Variants in PAK1 observed in about 807,000 individuals in gnomAD.
PAK1 encodes the protein p21 (RAC1) activated kinase 1.
Under a neutral mutation model 67.4 loss-of-function variants are expected in PAK1, and 29 were observed. The observed-to-expected ratio is 0.43, with a 90% CI of 0.32 to 0.59. PAK1 has a LOEUF of 0.59. Among genes scored for constraint, PAK1 ranks in the 20% least tolerant of loss-of-function variants. The probability of loss-of-function intolerance (pLI) is 0.07; values close to 1 mark genes in which losing one functional copy is unlikely to be tolerated. For synonymous variants in PAK1, 223 were observed against 237.4 expected, an observed-to-expected ratio of 0.94 and a Z score of 0.56; for missense variants, 337 against 670.7, an observed-to-expected ratio of 0.50 and a Z score of 5.50.
chr11:77,511,809 G>A, the PAK1 span, among the ~76,000 whole-genome samples: 2 of 152,144 alleles, frequency 1.3e-5, no homozygotes, highest in Non-Finnish European at 2.9e-5. Context: ...TTGACTCTAT[G>A]TCCCAGCTCA....
At chr11:77,365,236 A>C (rs2136735565) in intron 5 of PAK1, among the ~76,000 whole-genome samples, 1 of 141,864 alleles carries the variant, frequency 7.0e-6, no homozygotes, top group South Asian at 2.3e-4. Context: ...TGGGTGACAG[A>C]GCAAGACTCT....
At chr11:77,330,244 A>C (rs989297219) in intron 14 of PAK1, among the ~76,000 whole-genome samples, 1 of 152,156 alleles carries the variant, frequency 6.6e-6, no homozygotes, top group African/African-American at 2.4e-5. Flanking sequence ...CATCCCCATC[A>C]AGCTACCAAT....
intron 5 of PAK1, among the ~76,000 whole-genome samples, chr11:77,362,523 G>A (rs189801200): frequency 1.3e-3 from 202 of 152,194 alleles, no homozygotes; most frequent in Non-Finnish European, 2.1e-3. Flanking sequence ...CAACATTTTG[G>A]AATCAACTAG....
chr11:77,411,260 T>C (rs916589075), intron 1 of PAK1, among the ~76,000 whole-genome samples: 4 of 152,024 alleles, frequency 2.6e-5, no homozygotes, highest in Non-Finnish European at 4.4e-5. Flanking sequence ...AAAAGATGGT[T>C]TGACAGTCTG....
the PAK1 span, among the ~76,000 whole-genome samples, chr11:77,503,699 T>C: frequency 6.6e-6 from 1 of 152,000 alleles, no homozygotes; most frequent in African/African-American, 2.4e-5. Context: ...TCCACCTCTA[T>C]AAAAAAAGTT....
intron 1 of PAK1, among the ~76,000 whole-genome samples, chr11:77,394,662 T>A (rs2137507152): frequency 6.6e-6 from 1 of 152,240 alleles, no homozygotes. Context: ...CTGGCCAATA[T>A]GGTGAAACCC....
chr11:77,323,199 C>T lies in PAK1; in HGVS notation c.*75G>A. 6.2e-7 allele frequency: 1 copy of T among 1,601,378 alleles called. No individual in the cohort carries two copies. The stretch of plus-strand genomic sequence containing the variant: ...AAGCAAGGCAAGGAGAAGAGGGCAT[C>T]AGGAGTTGGAATTTCTGAAATGTGC... On this transcript the variant is annotated 3_prime_UTR_variant, in exon 15 of 15. Coordinates refer to ENST00000356341, the MANE Select transcript of PAK1 (RefSeq NM_002576.5).
At chr11:77,359,429 T>C (rs1946477766) in intron 5 of PAK1, among the ~76,000 whole-genome samples, 1 of 152,152 alleles carries the variant, frequency 6.6e-6, no homozygotes, top group African/African-American at 2.4e-5. Context: ...TCAAAATTCA[T>C]CACTATAATT....
the PAK1 span, among the ~76,000 whole-genome samples, chr11:77,504,630 A>G: frequency 0.7 from 106,742 of 152,122 alleles, 37,841 homozygotes; most frequent in East Asian, 0.93. Flanking sequence ...ACTGAAAAAG[A>G]CAAATAATAC....
At chr11:77,439,408 C>A (rs1463064514) in intron 1 of PAK1, among the ~76,000 whole-genome samples, 2 of 152,022 alleles carry the variant, frequency 1.3e-5, no homozygotes, top group Non-Finnish European at 1.5e-5. Context: ...CAAGAAAATG[C>A]CTGCTTCTAG....
chr11:77,326,819 G>T (rs1437239496), intron 14 of PAK1, among the ~76,000 whole-genome samples: 1 of 152,178 alleles, frequency 6.6e-6, no homozygotes, highest in Admixed American at 6.5e-5. Flanking sequence ...GAAGGCCTCA[G>T]ATGATCAGAC....
At chr11:77,455,906 G>T (rs2135435946) in intron 1 of PAK1, 1 of 152,292 alleles carries the variant, frequency 6.6e-6, no homozygotes, top group Admixed American at 6.5e-5. Flanking sequence ...CTTGACAGGA[G>T]ACTGAGCTCT....
At chr11:77,332,316 G>A (rs1191906785) in intron 14 of PAK1, among the ~76,000 whole-genome samples, 3 of 67,720 alleles carry the variant, frequency 4.4e-5, no homozygotes, top group African/African-American at 1.2e-4. Context: ...CCTGTGGGGC[G>A]TGAGAGGAAG....
chr11:77,322,654 A>G lies in PAK1; in HGVS notation c.*620T>C, dbSNP rs2729762. The G allele has an allele frequency of 0.36, 83,775 of 235,422 alleles. 15,386 individuals carry two copies. Among genetic ancestry groups the G allele is most frequent in the South Asian group, 0.5 (4,831 of 9,754 alleles). The allele number at this position is 235,422 out of a possible 1,614,324, so 14.6% of individuals were successfully genotyped here. A position where few individuals can be genotyped will look rare whatever the true frequency, so the allele number is the denominator to read the frequency against. The stretch of plus-strand genomic sequence containing the variant: ...TCACAAGAAACAGCATGGGAACACT[A>G]TTGGGTCAAGGTCCTCCCGAACAGC... On this transcript the variant is annotated 3_prime_UTR_variant, in exon 15 of 15. Transcript: ENST00000356341.
At chr11:77,326,709 A>T (rs138203434) in intron 14 of PAK1, among the ~76,000 whole-genome samples, 1,694 of 152,198 alleles carry the variant, frequency 0.011, 10 homozygotes, top group Middle Eastern at 0.017. Context: ...GAAAAACTGG[A>T]AACTCTAAAA....
intron 1 of PAK1, among the ~76,000 whole-genome samples, chr11:77,459,835 T>C (rs1957248937): frequency 1.3e-5 from 2 of 151,898 alleles, no homozygotes; most frequent in South Asian, 4.1e-4. Context: ...CAGCTGGGAC[T>C]ACAGGCGCCC....
At chr11:77,483,042 CA>C in the PAK1 span, among the ~76,000 whole-genome samples, 1 of 151,910 alleles carries the variant, frequency 6.6e-6, no homozygotes, top group Non-Finnish European at 1.5e-5. Flanking sequence ...ACTAAAAATA[CA>C]AAAATTAGCT....
At chr11:77,412,010 G>A (rs1353870766) in intron 1 of PAK1, 2 of 152,332 alleles carry the variant, frequency 1.3e-5, no homozygotes, top group East Asian at 1.9e-4. Flanking sequence ...GGCGGGGGAA[G>A]AAAGGAGGGA....
At chr11:77,431,820 A>G (rs373720998) in intron 1 of PAK1, among the ~76,000 whole-genome samples, 7 of 152,368 alleles carry the variant, frequency 4.6e-5, no homozygotes, top group African/African-American at 1.4e-4. Flanking sequence ...GGTGAAGCTG[A>G]TATCTGGAGA....
Sources: allele counts gnomAD v4.1 joint callset (sites outside exome capture counted in the v4.1 genomes callset), GRCh38; gene constraint gnomAD v4.1.1; transcripts MANE v1.5; gene names NCBI Gene and HGNC (gene_info 2026-07-23, HGNC 2026-07-21).